Variants in ROR2 observed in about 807,000 individuals in gnomAD.
ROR2 encodes ROR family WNT receptor 2.
ROR2 carries 33 observed loss-of-function variants against 74.9 expected under a neutral mutation model. The ratio of observed to expected loss-of-function variants is 0.44; its 90% CI spans 0.33 to 0.59. ROR2 has a LOEUF of 0.59. Ranked by LOEUF, ROR2 falls within the 20% of genes least tolerant of loss-of-function variation. ROR2 has a pLI of 0.02. For synonymous variants in ROR2, 586 were observed against 558.7 expected (o/e 1.05, Z -0.69); for missense variants, 1,216 against 1,313.8 (o/e 0.93, Z 1.15).
chr9:91,735,606 C>CTGTTTTTTTTTTTTTTTTTT (rs1824990601), intron 5 of ROR2, among the ~76,000 whole-genome samples: 1 of 79,000 alleles, frequency 1.3e-5, no homozygotes, highest in Non-Finnish European at 2.4e-5. Context: ...AGGGCTCTAA[C>CTGTTTTTTTTTTTTTTTTTT]TTTTTTTTTT....
Position 91,905,532 on chromosome 9 carries a change from C to T in ROR2, c.97+44335G>A, listed in dbSNP as rs1830792287. 6.6e-6 allele frequency among the ~76,000 whole-genome samples: 1 copy of T among 151,304 alleles called. No homozygotes were observed. Among genetic ancestry groups the T allele is most frequent in the South Asian group, 2.1e-4 (1 of 4,798 alleles). ...ACAGACATCACACACTACACACAAC[C>T]CAACATACACAGACACAATACAACA... On this transcript the variant is annotated intron_variant, in intron 1 of 8. Transcript: ENST00000375708. The surrounding 1 kb of genome is among the most constrained non-coding windows in gnomAD (Gnocchi z 5.3).
Position 91,775,822 on chromosome 9 carries a change from G to GA in ROR2, c.98-5_98-4insT, listed in dbSNP as rs766595529. ...GGATCCAGAACCTCCACTTCACCTG[G>GA]GAAAAAGAAACCAGGATAGGTATTA... On this transcript the variant is annotated splice_polypyrimidine_tract_variant and splice_region_variant and intron_variant, in intron 1 of 8. Coordinates refer to ENST00000375708, the MANE Select transcript of ROR2 (RefSeq NM_004560.4). The GA allele has an allele frequency of 6.2e-7, 1 of 1,613,860 alleles. No individual in the cohort carries two copies. Among genetic ancestry groups the GA allele is most frequent in the South Asian group, 1.1e-5 (1 of 91,060 alleles).
Position 91,938,249 on chromosome 9 carries a change from G to A in ROR2, c.97+11618C>T, listed in dbSNP as rs112038633. On this transcript the variant is annotated intron_variant, in intron 1 of 8. Coordinates refer to ENST00000375708, the MANE Select transcript of ROR2 (RefSeq NM_004560.4). Reference sequence around the variant, plus strand: ...CAAAGTGGAGGGATCTCTTGAGTCCGGGAGTTGGAGACCAGTCTGAACAAC... The same window carrying A: ...CAAAGTGGAGGGATCTCTTGAGTCCAGGAGTTGGAGACCAGTCTGAACAAC... Among the ~76,000 whole-genome samples the A allele has an allele frequency of 9.9e-3, 1,502 of 152,196 alleles. 23 individuals carry two copies. Among genetic ancestry groups the A allele is most frequent in the African/African-American group, 0.034 (1,403 of 41,522 alleles).
At chr9:91,774,209 C>T (rs1700180055) in intron 2 of ROR2, among the ~76,000 whole-genome samples, 1 of 152,194 alleles carries the variant, frequency 6.6e-6, no homozygotes, top group South Asian at 2.1e-4. Flanking sequence ...CATTTAACAT[C>T]CTACAGAGGA....
At chr9:91,812,315 A>G (rs996248611) in intron 1 of ROR2, among the ~76,000 whole-genome samples, 1 of 152,130 alleles carries the variant, frequency 6.6e-6, no homozygotes, top group Admixed American at 6.5e-5. Flanking sequence ...TTTAGCAAAC[A>G]GGTCGTTGAG....
chr9:91,930,812 T>C (rs1298897894), intron 1 of ROR2, among the ~76,000 whole-genome samples: 3 of 152,218 alleles, frequency 2.0e-5, no homozygotes, highest in African/African-American at 7.2e-5. Context: ...GTTTAATGGA[T>C]GAAAATGAAG....
chr9:91,839,282 G>C (rs1188812979), intron 1 of ROR2, among the ~76,000 whole-genome samples: 2 of 138,526 alleles, frequency 1.4e-5, no homozygotes, highest in Non-Finnish European at 3.0e-5. Context: ...GTGTGTGTGT[G>C]TGTGTGTGTG....
chr9:91,909,847 GTTTTTTT>G (rs71362365), intron 1 of ROR2, among the ~76,000 whole-genome samples: 2 of 53,598 alleles, frequency 3.7e-5, no homozygotes, highest in Non-Finnish European at 6.2e-5. Context: ...GGTTTGTTTT[GTTTTTTT>G]TTTTTTTTTT....
intron 2 of ROR2, among the ~76,000 whole-genome samples, chr9:91,773,343 TCTC>T (rs1395986245): frequency 2.0e-5 from 3 of 151,860 alleles, no homozygotes; most frequent in Non-Finnish European, 4.4e-5. Context: ...ATCCTCTGCT[TCTC>T]CTCAAACCGT....
At chr9:91,812,176 G>A (rs923593951) in intron 1 of ROR2, among the ~76,000 whole-genome samples, 9 of 152,198 alleles carry the variant, frequency 5.9e-5, no homozygotes, top group South Asian at 2.1e-4. Context: ...ACTTGGTCTC[G>A]GTGTTCCATT....
intron 1 of ROR2, among the ~76,000 whole-genome samples, chr9:91,849,832 ATGT>A (rs1829039595): frequency 6.6e-6 from 1 of 152,144 alleles, no homozygotes; most frequent in African/African-American, 2.4e-5. Context: ...TGTTTTGAAC[ATGT>A]TGTTTGGCCT....
chr9:91,948,875 G>T (rs760197137), intron 1 of ROR2: 1 of 985,316 alleles, frequency 1.0e-6, no homozygotes, highest in South Asian at 4.7e-5. Flanking sequence ...CCGAGAATCC[G>T]GCCCGAGGCG....
At chr9:91,807,774 G>A (rs770686674) in intron 1 of ROR2, among the ~76,000 whole-genome samples, 10 of 152,290 alleles carry the variant, frequency 6.6e-5, no homozygotes, top group Middle Eastern at 3.4e-3. Flanking sequence ...TTGCTGTGGT[G>A]TGAGAGCAGA....
At chr9:91,769,551 G>A (rs35557004) in intron 2 of ROR2, among the ~76,000 whole-genome samples, 12,928 of 152,168 alleles carry the variant, frequency 0.085, 683 homozygotes, top group Middle Eastern at 0.14. Context: ...CTGACCCTGC[G>A]TGCCCACCGT....
At chr9:91,920,329 G>C (rs886471647) in intron 1 of ROR2, among the ~76,000 whole-genome samples, 1 of 152,114 alleles carries the variant, frequency 6.6e-6, no homozygotes, top group Non-Finnish European at 1.5e-5. Flanking sequence ...AACATAGCGA[G>C]ACACTATCTC....
intron 2 of ROR2, among the ~76,000 whole-genome samples, chr9:91,773,184 G>A (rs1288556654): frequency 2.0e-5 from 3 of 152,150 alleles, no homozygotes. Context: ...GAAGCCCCCG[G>A]GTGAGAGGTT....
chr9:91,808,997 C>T (rs1827662063), intron 1 of ROR2, among the ~76,000 whole-genome samples: 1 of 144,638 alleles, frequency 6.9e-6, no homozygotes, highest in African/African-American at 2.7e-5. Flanking sequence ...AGTGAGACTC[C>T]ATCTCAAAAA....
intron 2 of ROR2, among the ~76,000 whole-genome samples, chr9:91,768,007 C>G (rs1826113736): frequency 6.6e-6 from 1 of 152,166 alleles, no homozygotes; most frequent in African/African-American, 2.4e-5. Context: ...CAACACTGTC[C>G]TTACAGGAAG....
chr9:91,843,662 G>A (rs1030541108), intron 1 of ROR2, among the ~76,000 whole-genome samples: 7 of 152,132 alleles, frequency 4.6e-5, no homozygotes, highest in Non-Finnish European at 8.8e-5. Context: ...CAGTTCCTCC[G>A]CATGCATGTC....
Sources: allele counts gnomAD v4.1 joint callset (sites outside exome capture counted in the v4.1 genomes callset), GRCh38; gene constraint gnomAD v4.1.1; non-coding constraint Gnocchi (gnomAD v3.1); transcripts MANE v1.5; gene names NCBI Gene and HGNC (gene_info 2026-07-23, HGNC 2026-07-21).